NALCN: variants seen among roughly 807,000 people sequenced by gnomAD.
The protein encoded by NALCN is sodium leak channel, non-selective, also known as sodium leak channel NALCN.
A neutral mutation model predicts 225.3 loss-of-function variants in NALCN; 111 were observed. The observed-to-expected ratio is 0.49, with a 90% CI of 0.42 to 0.58. NALCN has a LOEUF of 0.58. Ranked by LOEUF, NALCN falls within the 20% of genes least tolerant of loss-of-function variation. The pLI is 0.00. For missense variants in NALCN, 1,378 were observed against 2,202.4 expected, an observed-to-expected ratio of 0.63 and a Z score of 7.49; for synonymous variants, 764 against 769.0, an observed-to-expected ratio of 0.99 and a Z score of 0.11.
At chr13:101,163,828 G>T (rs1008502451) in intron 15 of NALCN, among the ~76,000 whole-genome samples, 1 of 152,086 alleles carries the variant, frequency 6.6e-6, no homozygotes, top group African/African-American at 2.4e-5. Flanking sequence ...CATATTTCTG[G>T]GGGCTGGAAG....
intron 18 of NALCN, among the ~76,000 whole-genome samples, chr13:101,120,329 A>G (rs1413666201): frequency 1.3e-5 from 2 of 152,126 alleles, no homozygotes; most frequent in African/African-American, 4.8e-5. Flanking sequence ...AAAGCTGTTA[A>G]ACAGTCAGCA....
intron 43 of NALCN, among the ~76,000 whole-genome samples, chr13:101,056,065 A>G (rs2031203945): frequency 1.3e-5 from 2 of 152,148 alleles, no homozygotes; most frequent in Non-Finnish European, 2.9e-5. Flanking sequence ...GGATTAAAAC[A>G]GGTTACATGA....
At chr13:101,345,462 A>C in intron 6 of NALCN, 42 bp from the exon 7 acceptor site, 2 of 1,593,192 alleles carry the variant, frequency 1.3e-6, no homozygotes, top group Non-Finnish European at 1.7e-6. Flanking sequence ...TTCAACAATC[A>C]TAAATGTTGA....
At chr13:101,339,995 C>A (rs2045504300) in intron 7 of NALCN, among the ~76,000 whole-genome samples, 1 of 146,852 alleles carries the variant, frequency 6.8e-6, no homozygotes, top group South Asian at 2.2e-4. Flanking sequence ...CCGGCGGGTA[C>A]AGTGGCTCAC....
rs202186442 is a variant in NALCN at position 101,185,065 on chromosome 13, CT to C, written c.1764+6851del. On this transcript the variant is annotated intron_variant, in intron 14 of 43. Transcript: ENST00000251127. Reference sequence around the variant, plus strand: ...CAATGTCCCACACTCTTGTGTTTTTCTTTTCCTGTTTACCATTTATAATCAC... The same window carrying C: ...CAATGTCCCACACTCTTGTGTTTTTCTTTCCTGTTTACCATTTATAATCAC... Among the ~76,000 whole-genome samples, 649 of 152,128 alleles carry C rather than the reference CT, an allele frequency of 4.3e-3. 7 individuals are homozygous for C. Among genetic ancestry groups the C allele is most frequent in the African/African-American group, 0.015 (615 of 41,500 alleles).
intron 6 of NALCN, among the ~76,000 whole-genome samples, chr13:101,367,207 A>G (rs1396790333): frequency 2.0e-5 from 3 of 152,004 alleles, no homozygotes; most frequent in Admixed American, 6.6e-5. Flanking sequence ...CACAACTTAA[A>G]TCTACCATCC....
chr13:101,232,046 C>A (rs538322691), intron 12 of NALCN, among the ~76,000 whole-genome samples: 68 of 148,866 alleles, frequency 4.6e-4, no homozygotes, highest in African/African-American at 1.6e-3. Context: ...AAGAGTCACA[C>A]AAACTCTTAC....
At chr13:101,074,016 G>A (rs564173757) in intron 36 of NALCN, among the ~76,000 whole-genome samples, 3 of 151,694 alleles carry the variant, frequency 2.0e-5, no homozygotes, top group East Asian at 1.9e-4. Flanking sequence ...TTGACATATC[G>A]GTATATACTT....
rs756595210 is a variant in NALCN, at chr13:101,089,882, C to T, written c.3354G>A (p.Val1118=). 2.5e-6 allele frequency: 4 copies of T among 1,614,014 alleles called. No homozygotes were observed. The highest frequency in any genetic ancestry group is 2.7e-5 in the African/African-American group (2 of 75,024). Residue 1118 remains valine (V), a synonymous_variant, in exon 29 of 44, where the codon GTG becomes GTA. Transcript: ENST00000251127. This position sits in a 1 kb window ranked among gnomAD's most constrained non-coding sequence, Gnocchi z 4.7. ...LFEVLSLKGW[V]EVRDVIIHRV... is the part of the protein sequence containing the mutation. Reference sequence around the variant, plus strand: ...GATGAATAATAACATCTCTCACTTCCACCCAGCCTTTCAAGGAGAGAACTT... The same window carrying T: ...GATGAATAATAACATCTCTCACTTCTACCCAGCCTTTCAAGGAGAGAACTT...
intron 10 of NALCN, among the ~76,000 whole-genome samples, chr13:101,258,898 A>G (rs1164921312): frequency 6.6e-6 from 1 of 152,246 alleles, no homozygotes; most frequent in Non-Finnish European, 1.5e-5. Context: ...CTGTATGGAT[A>G]AATGGCTTTT....
intron 10 of NALCN, among the ~76,000 whole-genome samples, chr13:101,281,445 C>T (rs1041676449): frequency 2.6e-5 from 4 of 152,058 alleles, no homozygotes; most frequent in Non-Finnish European, 1.5e-5. Flanking sequence ...AATAAAAGTG[C>T]TTTTTAGGTA....
At chr13:101,095,528 T>C in intron 28 of NALCN, 46 bp downstream of exon 28, 3 of 1,484,376 alleles carry the variant, frequency 2.0e-6, no homozygotes, top group Non-Finnish European at 2.8e-6. Context: ...AGCCTTATAC[T>C]GACAAACACA....
At chr13:101,267,107 G>A (rs1023468480) in intron 10 of NALCN, among the ~76,000 whole-genome samples, 1 of 152,140 alleles carries the variant, frequency 6.6e-6, no homozygotes, top group African/African-American at 2.4e-5. Context: ...ATCAGTGGCT[G>A]GCTCTCTTTA....
intron 39 of NALCN, among the ~76,000 whole-genome samples, chr13:101,066,563 G>A (rs1315280413): frequency 6.7e-6 from 1 of 149,020 alleles, no homozygotes; most frequent in African/African-American, 2.5e-5. Flanking sequence ...ACATCTCGGT[G>A]TGCAGGGCAG....
At position 101,393,500 on chromosome 13, in the gene NALCN, A is replaced by T. The variant is rs370991424; in HGVS notation, c.291+1683T>A. Among the ~76,000 whole-genome samples, 8 of 152,210 alleles carry T rather than the reference A, an allele frequency of 5.3e-5. No individual in the cohort carries two copies. The East Asian group carries it at 1.2e-3, about 22-fold the overall frequency. On this transcript the variant is annotated intron_variant, in intron 3 of 43. Transcript: ENST00000251127. Reference sequence around the variant, plus strand: ...TTCCAATGGATCAATGACATAGGAAAATTTTTTGCAGGATGTGAAAAGCTG... The same window carrying T: ...TTCCAATGGATCAATGACATAGGAATATTTTTTGCAGGATGTGAAAAGCTG...
chr13:101,128,224 A>G, intron 17 of NALCN, among the ~76,000 whole-genome samples: 1 of 152,266 alleles, frequency 6.6e-6, no homozygotes. Flanking sequence ...GAAAACATCC[A>G]ACTGCCTCAG....
chr13:101,185,694 G>A (rs1189139657), intron 14 of NALCN, among the ~76,000 whole-genome samples: 1 of 152,214 alleles, frequency 6.6e-6, no homozygotes, highest in Non-Finnish European at 1.5e-5. Context: ...ATTGTGGGCT[G>A]AAAATTGGTG....
At chr13:101,394,811 T>C (rs1392996132) in intron 3 of NALCN, among the ~76,000 whole-genome samples, 1 of 152,168 alleles carries the variant, frequency 6.6e-6, no homozygotes, top group East Asian at 1.9e-4. Context: ...CATGTGACTC[T>C]GATTCTGCAC....
intron 7 of NALCN, among the ~76,000 whole-genome samples, chr13:101,339,256 C>A (rs950814632): frequency 6.6e-6 from 1 of 152,204 alleles, no homozygotes; most frequent in Non-Finnish European, 1.5e-5. Context: ...TCCTACCCAC[C>A]TTGCCACCCA....
Sources: gnomAD v4.1 joint callset for allele counts (sites outside exome capture counted in the v4.1 genomes callset) on GRCh38, gnomAD v4.1.1 for gene constraint, Gnocchi (gnomAD v3.1) non-coding constraint, MANE v1.5 for transcripts, NCBI Gene and HGNC (gene_info 2026-07-23, HGNC 2026-07-21) for gene names.